The following LRRN1 variants were observed in gnomAD, a reference collection of about 807,000 sequenced individuals.
LRRN1 encodes leucine rich repeat neuronal 1.
A neutral mutation model predicts 45.8 loss-of-function variants in LRRN1; 14 were observed. The observed-to-expected ratio is 0.31, with a 90% CI of 0.20 to 0.48. The LOEUF (loss-of-function observed/expected upper bound fraction) is 0.48, where lower values mean the gene tolerates loss of function less well. Ranked by LOEUF, LRRN1 falls within the 20% of genes least tolerant of loss-of-function variation. The pLI is 0.99. For missense variants in LRRN1, 789 were observed against 874.2 expected (o/e 0.90, Z 1.23); for synonymous variants, 359 against 330.1 (o/e 1.09, Z -0.95).
At chr3:3,839,534 A>T (rs1693600849) in intron 1 of LRRN1, among the ~76,000 whole-genome samples, 1 of 152,174 alleles carries the variant, frequency 6.6e-6, no homozygotes. Flanking sequence ...TGAGATTTTG[A>T]TAGAGATGGC....
intron 1 of LRRN1, among the ~76,000 whole-genome samples, chr3:3,837,708 CTTTT>C (rs138443731): frequency 1.3e-5 from 2 of 150,046 alleles, no homozygotes; most frequent in African/African-American, 4.9e-5. Flanking sequence ...ATTTTTTTTT[CTTTT>C]TTTTTAATTA....
chr3:3,819,528 T>C (rs2106457533), intron 1 of LRRN1, among the ~76,000 whole-genome samples: 1 of 152,276 alleles, frequency 6.6e-6, no homozygotes, highest in Non-Finnish European at 1.5e-5. Flanking sequence ...CATTCCTTTG[T>C]TTACAGCTGT....
At chr3:3,823,688 G>A (rs987125552) in intron 1 of LRRN1, among the ~76,000 whole-genome samples, 3 of 152,160 alleles carry the variant, frequency 2.0e-5, no homozygotes, top group African/African-American at 4.8e-5. Context: ...GCTTAGAGAG[G>A]TGGAGTCATT....
At position 3,846,888 on chromosome 3, in the gene LRRN1, CTTTGCTAG is replaced by C; in HGVS notation, c.*101_*108del. Reference sequence around the variant, plus strand: ...AAGTTGAAGACTTTTGTATTTTTGACTTTGCTAGTTTGTGGCAGAGTGGAGAGGACGGG... The same window carrying C: ...AAGTTGAAGACTTTTGTATTTTTGACTTTGTGGCAGAGTGGAGAGGACGGG... On this transcript the variant is annotated 3_prime_UTR_variant, in exon 2 of 2. Coordinates refer to ENST00000319331, the MANE Select transcript of LRRN1 (RefSeq NM_020873.7). The surrounding 1 kb of genome is among the most constrained non-coding windows in gnomAD (Gnocchi z 5.7). 9.0e-7 allele frequency: 1 copy of C among 1,107,580 alleles called. No individual in the cohort carries two copies. The highest frequency in any genetic ancestry group is 2.6e-5 in the East Asian group (1 of 38,662). The allele number at this position is 1,107,580 out of a possible 1,614,324, so 68.6% of individuals were successfully genotyped here. A position where few individuals can be genotyped will look rare whatever the true frequency, so the allele number is the denominator to read the frequency against.
intron 1 of LRRN1, among the ~76,000 whole-genome samples, chr3:3,834,525 G>T (rs1575296137): frequency 2.2e-4 from 6 of 27,328 alleles, no homozygotes; most frequent in South Asian, 1.0e-3. Flanking sequence ...GACAGAACAG[G>T]ATATATATAT....
intron 1 of LRRN1, among the ~76,000 whole-genome samples, chr3:3,827,003 T>C (rs1693230596): frequency 1.3e-5 from 2 of 151,978 alleles, no homozygotes; most frequent in Non-Finnish European, 2.9e-5. Flanking sequence ...ATTTCAACGA[T>C]CTATGCCTTA....
At chr3:3,839,486 A>G (rs1251420317) in intron 1 of LRRN1, among the ~76,000 whole-genome samples, 2 of 152,146 alleles carry the variant, frequency 1.3e-5, no homozygotes, top group Non-Finnish European at 2.9e-5. Context: ...TCTTGATCTT[A>G]TATGAATTTT....
At chr3:3,801,525 C>T (rs1692652328) in intron 1 of LRRN1, among the ~76,000 whole-genome samples, 1 of 152,096 alleles carries the variant, frequency 6.6e-6, no homozygotes, top group Non-Finnish European at 1.5e-5. Context: ...CCATATGTGT[C>T]CCGAAGTCTC....
At chr3:3,832,144 G>A (rs1266719264) in intron 1 of LRRN1, among the ~76,000 whole-genome samples, 1 of 152,180 alleles carries the variant, frequency 6.6e-6, no homozygotes, top group Non-Finnish European at 1.5e-5. Flanking sequence ...AAATGGGAGA[G>A]TTGAATGGGG....
chr3:3,827,557 C>T (rs1559296873), intron 1 of LRRN1: 2 of 455,134 alleles, frequency 4.4e-6, no homozygotes, highest in Admixed American at 2.4e-5. Context: ...CCCATTTCCC[C>T]ATTATTCAAG....
In LRRN1 at chr3:3,848,412, G is replaced by GTTGT. The variant is rs1306708204; in HGVS notation, c.*1623_*1626dup. On this transcript the variant is annotated 3_prime_UTR_variant, in exon 2 of 2. Transcript: ENST00000319331. ...AAGAAGAACCCATTTGAAAATAAAG[G>GTTGT]TTGTTTCAAAAGGCAGCTGCCGCCA... 6.6e-6 allele frequency among the ~76,000 whole-genome samples: 1 copy of GTTGT among 152,148 alleles called. No individual in the cohort carries two copies. Among genetic ancestry groups the GTTGT allele is most frequent in the Non-Finnish European group, 1.5e-5 (1 of 68,030 alleles).
At chr3:3,800,932 C>T (rs1692637710) in intron 1 of LRRN1, 1 of 152,286 alleles carries the variant, frequency 6.6e-6, no homozygotes, top group African/African-American at 2.4e-5. Context: ...TGTGGGCGGC[C>T]GCCGACTCGG....
chr3:3,801,303 G>A (rs907545722), intron 1 of LRRN1: 3 of 152,262 alleles, frequency 2.0e-5, no homozygotes, highest in African/African-American at 7.2e-5. Context: ...TTCTAATTGG[G>A]TGAGGGAACA....
intron 1 of LRRN1, among the ~76,000 whole-genome samples, chr3:3,811,963 A>G (rs1692879741): frequency 6.6e-6 from 1 of 152,230 alleles, no homozygotes; most frequent in African/African-American, 2.4e-5. Flanking sequence ...GTATTGGTTA[A>G]AAGACTCAAT....
rs1692595101 is a variant in LRRN1 at position 3,799,603 on chromosome 3, C to G, written c.-595C>G. ...GCCTTCCTCCGGACCTGGCCGCTCG[C>G]TGCCCCGCCCTCTGCACCCCACTTC... is the stretch of plus-strand genomic sequence containing the variant. On this transcript the variant is annotated 5_prime_UTR_variant, in exon 1 of 2. Transcript: ENST00000319331. 1 of 152,292 alleles carries G rather than the reference C, an allele frequency of 6.6e-6. No homozygotes were observed. Among genetic ancestry groups the G allele is most frequent in the Admixed American group, 6.5e-5 (1 of 15,284 alleles). 9.4% of individuals were successfully genotyped at this position (152,292 alleles called of 1,614,324 possible).
intron 1 of LRRN1, among the ~76,000 whole-genome samples, chr3:3,829,150 C>A (rs1693306681): frequency 6.6e-6 from 1 of 152,040 alleles, no homozygotes; most frequent in Non-Finnish European, 1.5e-5. Context: ...CTCCTGTATT[C>A]CATGCATACT....
chr3:3,827,553 T>C (rs1404312337), intron 1 of LRRN1: 1 of 455,128 alleles, frequency 2.2e-6, no homozygotes, highest in Admixed American at 2.4e-5. Flanking sequence ...AAATCCCATT[T>C]CCCCATTATT....
intron 1 of LRRN1, among the ~76,000 whole-genome samples, chr3:3,821,713 T>TCTA (rs1693110536): frequency 2.0e-5 from 3 of 152,314 alleles, no homozygotes; most frequent in Non-Finnish European, 2.9e-5. Context: ...AACAGTAGGA[T>TCTA]GGATTTTTGC....
chr3:3,813,677 G>C (rs1446798841), intron 1 of LRRN1, among the ~76,000 whole-genome samples: 1 of 152,020 alleles, frequency 6.6e-6, no homozygotes, highest in Non-Finnish European at 1.5e-5. Context: ...CCAAATGCCT[G>C]CTGGATATTT....
Sources: gnomAD v4.1 joint callset for allele counts (sites outside exome capture counted in the v4.1 genomes callset) on GRCh38, gnomAD v4.1.1 for gene constraint, Gnocchi (gnomAD v3.1) non-coding constraint, MANE v1.5 for transcripts, NCBI Gene and HGNC (gene_info 2026-07-23, HGNC 2026-07-21) for gene names.